The following DEAF1 variants were observed in gnomAD, a reference collection of about 807,000 sequenced individuals.
DEAF1 encodes the protein DEAF1 transcription factor.
DEAF1 carries 53 observed loss-of-function variants against 58.9 expected under a neutral mutation model. That is an observed-to-expected ratio of 0.90 (90% CI 0.72 to 1.13). The LOEUF (loss-of-function observed/expected upper bound fraction) is 1.13. Among genes scored for constraint, DEAF1 ranks in the 50% most tolerant of loss-of-function variants. The probability of loss-of-function intolerance (pLI) is 0.00; values close to 1 mark genes in which losing one functional copy is unlikely to be tolerated. For synonymous variants in DEAF1, 385 were observed against 340.4 expected (o/e 1.13, Z -1.44); for missense variants, 685 against 791.4 (o/e 0.87, Z 1.61).
At chr11:689,144 C>G (rs533043867) in intron 2 of DEAF1, among the ~76,000 whole-genome samples, 7 of 151,488 alleles carry the variant, frequency 4.6e-5, no homozygotes, top group Non-Finnish European at 8.8e-5. Context: ...GGTTTTCATT[C>G]TGAATACAAA....
chr11:705,885 G>A (rs1174475053), intron 1 of DEAF1, among the ~76,000 whole-genome samples: 1 of 152,208 alleles, frequency 6.6e-6, no homozygotes, highest in Non-Finnish European at 1.5e-5. Context: ...GGAAGAGCTC[G>A]AGGCCTCGCC....
chr11:693,899 C>T (rs1353555766), intron 1 of DEAF1, among the ~76,000 whole-genome samples: 1 of 151,962 alleles, frequency 6.6e-6, no homozygotes, highest in Non-Finnish European at 1.5e-5. Context: ...AGGAGCAGGT[C>T]CTTAGGGAAA....
intron 9 of DEAF1, among the ~76,000 whole-genome samples, chr11:675,850 A>G (rs1490382436): frequency 6.6e-6 from 1 of 151,830 alleles, no homozygotes; most frequent in Admixed American, 6.6e-5. Flanking sequence ...ACTCTCACGC[A>G]ATGTTGGGAA....
chr11:666,873 C>CAAAAAAAAAAAAAAAA (rs532628897), intron 10 of DEAF1, among the ~76,000 whole-genome samples: 6 of 60,250 alleles, frequency 1.0e-4, no homozygotes, highest in African/African-American at 1.9e-4. Flanking sequence ...ACTCTGTCTC[C>CAAAAAAAAAAAAAAAA]AAAAAAAAAA....
chr11:667,155 T>G (rs1330191859), intron 10 of DEAF1, among the ~76,000 whole-genome samples: 2 of 151,710 alleles, frequency 1.3e-5, no homozygotes, highest in Non-Finnish European at 2.9e-5. Flanking sequence ...GGCATCATGG[T>G]GAAACCCCAG....
rs1860529219 is a variant in DEAF1, at chr11:685,025, T to A, written c.805-62A>T. The A allele has an allele frequency of 4.6e-6, 6 of 1,305,326 alleles. No individual in the cohort carries two copies. In the South Asian group the frequency reaches 7.6e-5, roughly 16 times the overall value. The allele number at this position is 1,305,326 out of a possible 1,614,324, so 80.9% of individuals were successfully genotyped here. On this transcript the variant is annotated intron_variant, in intron 5 of 11. Transcript: ENST00000382409. ...CAGCCCCTAAATGTCAATCATTCAA[T>A]AATAGAAGATTTCAACCACTTTTAC...
In DEAF1 at chr11:653,999, T is replaced by C. The variant is rs1169644631; in HGVS notation, c.1556A>G (p.His519Arg). ...REAMSECTGC[H>R]KVNYCSTFCQ... Reference sequence around the variant, plus strand: ...GAAGGTGGAGCAGTAGTTGACCTTGTGGCAGCCGGTGCACTCGCTCATAGC... The same window carrying C: ...GAAGGTGGAGCAGTAGTTGACCTTGCGGCAGCCGGTGCACTCGCTCATAGC... The change falls in exon 11 of 12, where the codon CAC becomes CGC. Residue 519 changes from histidine to arginine, a missense_variant. His to Arg is a conservative substitution (Grantham distance 29). Coordinates refer to ENST00000382409, the MANE Select transcript of DEAF1 (RefSeq NM_021008.4). The C allele has an allele frequency of 5.6e-6, 9 of 1,613,750 alleles. No individual in the cohort carries two copies. Among genetic ancestry groups the C allele is most frequent in the East Asian group, 2.2e-5 (1 of 44,870 alleles).
chr11:695,984 A>C, upstream of DEAF1: 4 of 710,832 alleles, frequency 5.6e-6, no homozygotes, highest in Non-Finnish European at 7.8e-6. Context: ...CAGCTCCGTC[A>C]CCCCATCGAG....
chr11:695,300 C>G (rs1645199475), upstream of DEAF1: 2 of 459,964 alleles, frequency 4.3e-6, no homozygotes. Context: ...GAGCCGAGAC[C>G]GAGTCCTGAA....
At chr11:698,799 G>T (rs1861313819), upstream of DEAF1, 10 of 1,576,840 alleles carry the variant, frequency 6.3e-6, no homozygotes, top group South Asian at 1.1e-4. Context: ...GTTCCTGTCA[G>T]TGTGGAGCGA....
At chr11:681,254 G>A (rs1860352209) in intron 6 of DEAF1, among the ~76,000 whole-genome samples, 165 bp from the exon 7 acceptor site, 1 of 152,094 alleles carries the variant, frequency 6.6e-6, no homozygotes, top group South Asian at 2.1e-4. Context: ...TCTTTTTTGA[G>A]ACGGAGTTTC....
intron 1 of DEAF1, chr11:704,358 GTC>G: frequency 9.9e-7 from 1 of 1,013,788 alleles, no homozygotes; most frequent in African/African-American, 1.6e-5. Context: ...CACCTGGACA[GTC>G]TTTCCTGCCT....
chr11:644,481 G>T lies in DEAF1; in HGVS notation c.*69C>A. Reference sequence around the variant, plus strand: ...CAACGTCCCCCCAGAGTCCTCAGGGGGGCCTTCGACCTGCAAAAGCCTCAC... The same window carrying T: ...CAACGTCCCCCCAGAGTCCTCAGGGTGGCCTTCGACCTGCAAAAGCCTCAC... On this transcript the variant is annotated 3_prime_UTR_variant, in exon 12 of 12. Transcript: ENST00000382409. This position sits in a 1 kb window ranked among gnomAD's most constrained non-coding sequence, Gnocchi z 4.3. 4 of 1,218,188 alleles carry T rather than the reference G, an allele frequency of 3.3e-6. No homozygotes were observed. The highest frequency in any genetic ancestry group is 4.8e-6 in the Non-Finnish European group (4 of 840,772). The allele number at this position is 1,218,188 out of a possible 1,614,324, so 75.5% of individuals were successfully genotyped here.
intron 11 of DEAF1, among the ~76,000 whole-genome samples, chr11:653,106 A>G (rs921405713): frequency 2.0e-5 from 3 of 151,398 alleles, no homozygotes; most frequent in Non-Finnish European, 4.4e-5. Context: ...AAAAAAAAAA[A>G]AAAAGAGTGA....
chr11:700,168 G>C, upstream of DEAF1: 1 of 1,614,148 alleles, frequency 6.2e-7, no homozygotes, highest in East Asian at 2.2e-5. Flanking sequence ...TTCAAATGCT[G>C]TTTTATCTCA....
chr11:670,820 C>T lies in DEAF1; in HGVS notation c.1503+3716G>A, dbSNP rs148493821. Reference sequence around the variant, plus strand: ...TGAGACGAGGTCTCACTCTGTTGCCCAGGCTGGAGTACAGTGGTGTGATCA... The same window carrying T: ...TGAGACGAGGTCTCACTCTGTTGCCTAGGCTGGAGTACAGTGGTGTGATCA... On this transcript the variant is annotated intron_variant, in intron 10 of 11. Coordinates refer to ENST00000382409, the MANE Select transcript of DEAF1 (RefSeq NM_021008.4). Among the ~76,000 whole-genome samples, 1,184 of 141,440 alleles carry T rather than the reference C, an allele frequency of 8.4e-3. 7 individuals carry two copies. The highest frequency in any genetic ancestry group is 0.012 in the Admixed American group (173 of 14,068). The allele number at this position is 141,440 out of a possible 152,430, so 92.8% of individuals were successfully genotyped here.
At chr11:684,865 A>G in intron 6 of DEAF1, 33 bp downstream of exon 6, 1 of 1,548,914 alleles carries the variant, frequency 6.5e-7, no homozygotes, top group Non-Finnish European at 8.7e-7. Flanking sequence ...AGCCCCACCA[A>G]GTCATCCTGT....
chr11:654,997 C>T (rs1858975767), intron 10 of DEAF1, among the ~76,000 whole-genome samples: 1 of 151,506 alleles, frequency 6.6e-6, no homozygotes, highest in Non-Finnish European at 1.5e-5. Context: ...GGTGAAACCC[C>T]GAGATTGTAC....
At chr11:683,107 G>T (rs138231654) in intron 6 of DEAF1, among the ~76,000 whole-genome samples, 2 of 152,088 alleles carry the variant, frequency 1.3e-5, no homozygotes, top group African/African-American at 4.8e-5. Context: ...AATTTCTGGA[G>T]ACCTTAAGGG....
Sources: gnomAD v4.1 joint callset for allele counts (sites outside exome capture counted in the v4.1 genomes callset) on GRCh38, gnomAD v4.1.1 for gene constraint, Gnocchi (gnomAD v3.1) non-coding constraint, MANE v1.5 for transcripts, NCBI Gene and HGNC (gene_info 2026-07-23, HGNC 2026-07-21) for gene names.